Variants in DNAJC6 observed in about 807,000 individuals in gnomAD.
The protein encoded by DNAJC6 is DnaJ heat shock protein family (Hsp40) member C6.
Under a neutral mutation model 110.0 loss-of-function variants are expected in DNAJC6, and 34 were observed. The ratio of observed to expected loss-of-function variants is 0.31; its 90% CI spans 0.24 to 0.41. DNAJC6 has a LOEUF of 0.41. Ranked by LOEUF, DNAJC6 falls within the 10% of genes least tolerant of loss-of-function variation. The pLI, the probability that DNAJC6 is intolerant of heterozygous loss-of-function variation, is 1.00. For missense variants in DNAJC6, 1,031 were observed against 1,207.8 expected, an observed-to-expected ratio of 0.85 and a Z score of 2.17; for synonymous variants, 406 against 437.2, an observed-to-expected ratio of 0.93 and a Z score of 0.89.
At position 65,394,962 on chromosome 1, in the gene DNAJC6, T is replaced by C; in HGVS notation, c.1968T>C (p.Phe656=). ...CAGGTCAGGATTTGCTGGGTTCTTT[T>C]CTGAACACATCCAGTGCTTCCAGTG... is the stretch of plus-strand genomic sequence containing the variant. The part of the protein sequence containing the change: ...KPSGQDLLGS[F]LNTSSASSDP... The change falls in exon 13 of 19, where the codon TTT becomes TTC. Residue 656 remains phenylalanine, a synonymous_variant. Transcript: ENST00000371069. 2 of 1,612,918 alleles carry C rather than the reference T, an allele frequency of 1.2e-6. No homozygotes were observed. The highest frequency in any genetic ancestry group is 1.7e-6 in the Non-Finnish European group (2 of 1,179,614).
At position 65,385,861 on chromosome 1, in the gene DNAJC6, G is replaced by C; in HGVS notation, c.950G>C (p.Gly317Ala). The stretch of plus-strand genomic sequence containing the variant: ...CGCCCTTACTGTGATGTACTCATTG[G>C]AGAAACCAAAATATATTCGACTTGC... ...GCRPYCDVLIGETKIYSTCTD... is the reference protein window; with the variant it reads ...GCRPYCDVLIAETKIYSTCTD... The change falls in exon 7 of 19, where the codon GGA becomes GCA. Residue 317 changes from glycine (G) to alanine (A), a missense_variant. Gly to Ala is a moderately conservative substitution (Grantham distance 60). Transcript: ENST00000371069. 6.2e-7 allele frequency: 1 copy of C among 1,612,804 alleles called. No homozygotes were observed. The highest frequency in any genetic ancestry group is 8.5e-7 in the Non-Finnish European group (1 of 1,179,048).
chr1:65,411,380 T>C lies in DNAJC6; in HGVS notation c.2765T>C (p.Val922Ala). The C allele has an allele frequency of 6.2e-7, 1 of 1,614,034 alleles. No individual in the cohort carries two copies. Among genetic ancestry groups the C allele is most frequent in the South Asian group, 1.1e-5 (1 of 91,074 alleles). Residue 922 changes from valine to alanine, a missense_variant, in exon 18 of 19, where the codon GTG becomes GCG. Val to Ala is a moderately conservative substitution (Grantham distance 64, BLOSUM62 0). Coordinates refer to ENST00000371069, the MANE Select transcript of DNAJC6 (RefSeq NM_001256864.2). ...GCAGACCTGGTAACACCAGAGCAGGTGAAGAAGGTGTACAGGAAGGCTGTC... is the reference window on the plus strand; with the variant it reads ...GCAGACCTGGTAACACCAGAGCAGGCGAAGAAGGTGTACAGGAAGGCTGTC... Reference protein sequence around the residue: ...GMADLVTPEQVKKVYRKAVLV... With the variant: ...GMADLVTPEQAKKVYRKAVLV...
chr1:65,279,276 A>G (rs1330443196), intron 1 of DNAJC6, among the ~76,000 whole-genome samples: 1 of 152,106 alleles, frequency 6.6e-6, no homozygotes, highest in Non-Finnish European at 1.5e-5. Context: ...ATAAATGGGA[A>G]AATCTGGGAA....
At position 65,309,956 on chromosome 1, in the gene DNAJC6, G is replaced by A. The variant is rs1373877152; in HGVS notation, c.193+18G>A. 1 of 1,430,416 alleles carries A rather than the reference G, an allele frequency of 7.0e-7. No homozygotes were observed. The highest frequency in any genetic ancestry group is 2.9e-5 in the Admixed American group (1 of 34,716). The allele number at this position is 1,430,416 out of a possible 1,614,324, so 88.6% of individuals were successfully genotyped here. ...CAGCTCAGGTAGCGCTGCCCGAGGG[G>A]AGTGCAGCGCTGAGCCCCGCGCGGC... On this transcript the variant is annotated intron_variant, in intron 1 of 18. Transcript: ENST00000371069.
At chr1:65,288,570 A>T (rs1385420769) in intron 1 of DNAJC6, among the ~76,000 whole-genome samples, 2 of 152,216 alleles carry the variant, frequency 1.3e-5, no homozygotes, top group African/African-American at 4.8e-5. Context: ...TTAAGTACAC[A>T]GAAAAGTGTA....
Position 65,366,207 on chromosome 1 carries a change from T to G in DNAJC6, c.543+11T>G. ...AAGTTTCACAGCCGGGTAAGGATTT[T>G]TAGCCCTGAGATCATACTGTTGAAG... On this transcript the variant is annotated intron_variant, in intron 4 of 18. Transcript: ENST00000371069. 2 of 1,613,348 alleles carry G rather than the reference T, an allele frequency of 1.2e-6. No homozygotes were observed. Among genetic ancestry groups the G allele is most frequent in the South Asian group, 2.2e-5 (2 of 90,982 alleles).
chr1:65,292,320 G>GTTTTTTTTTTTTTTTTTT (rs11431945), intron 1 of DNAJC6, among the ~76,000 whole-genome samples: 1 of 135,798 alleles, frequency 7.4e-6, no homozygotes, highest in African/African-American at 2.8e-5. Flanking sequence ...ACCCGGCCTG[G>GTTTTTTTTTTTTTTTTTT]TTTTTTTTTT....
At chr1:65,311,227 T>TG (rs1358854143) in intron 1 of DNAJC6, among the ~76,000 whole-genome samples, 4 of 135,838 alleles carry the variant, frequency 2.9e-5, no homozygotes, top group African/African-American at 1.1e-4. Context: ...TTTTTTTTTT[T>TG]TTTTTTTTTT....
intron 1 of DNAJC6, among the ~76,000 whole-genome samples, chr1:65,290,434 C>T (rs996073300): frequency 1.3e-5 from 2 of 152,128 alleles, no homozygotes; most frequent in African/African-American, 4.8e-5. Flanking sequence ...GCGTCAATAT[C>T]GTGATATTAC....
At chr1:65,317,653 T>C (rs908982709) in intron 1 of DNAJC6, among the ~76,000 whole-genome samples, 14 of 152,216 alleles carry the variant, frequency 9.2e-5, no homozygotes, top group Non-Finnish European at 1.8e-4. Context: ...GTTGTTGTAT[T>C]GTGGTGTAGT....
At chr1:65,297,059 T>C (rs10889536) in intron 1 of DNAJC6, among the ~76,000 whole-genome samples, 97,463 of 152,052 alleles carry the variant, frequency 0.64, 31,455 homozygotes, top group East Asian at 0.79. Flanking sequence ...GACTGTTCTA[T>C]GGGACCTCAT....
chr1:65,356,834 G>T (rs1334881), intron 1 of DNAJC6, among the ~76,000 whole-genome samples: 1 of 151,882 alleles, frequency 6.6e-6, no homozygotes, highest in African/African-American at 2.4e-5. Context: ...GAAAAACCAA[G>T]TTTCAAGTCT....
At chr1:65,275,951 C>T (rs1653655964) in intron 1 of DNAJC6, among the ~76,000 whole-genome samples, 3 of 148,058 alleles carry the variant, frequency 2.0e-5, no homozygotes, top group South Asian at 4.2e-4. Flanking sequence ...GGCTGCAGTG[C>T]GATCCTGGCT....
intron 1 of DNAJC6, among the ~76,000 whole-genome samples, chr1:65,297,621 G>A (rs976269991): frequency 2.6e-5 from 4 of 152,180 alleles, no homozygotes; most frequent in East Asian, 1.9e-4. Context: ...ATTGTTGGGC[G>A]CAGGCTGAAC....
At chr1:65,339,327 C>A (rs192669683) in intron 1 of DNAJC6, among the ~76,000 whole-genome samples, 158 of 152,272 alleles carry the variant, frequency 1.0e-3, no homozygotes, top group Non-Finnish European at 2.0e-3. Context: ...GCCAAGGCCA[C>A]ACAGCTCCAA....
chr1:65,350,198 G>A (rs569581928), intron 1 of DNAJC6, among the ~76,000 whole-genome samples: 16 of 152,198 alleles, frequency 1.1e-4, no homozygotes, highest in African/African-American at 3.4e-4. Context: ...TTGTCTCACA[G>A]GTCACTGAGA....
intron 1 of DNAJC6, among the ~76,000 whole-genome samples, chr1:65,318,706 T>G (rs1320490251): frequency 6.6e-6 from 1 of 151,920 alleles, no homozygotes. Flanking sequence ...TGTCAGGGCA[T>G]GGGTGGGGCG....
chr1:65,355,110 C>A (rs746102254), intron 1 of DNAJC6, among the ~76,000 whole-genome samples: 1 of 151,726 alleles, frequency 6.6e-6, no homozygotes, highest in Non-Finnish European at 1.5e-5. Context: ...GCAGAAAATA[C>A]AAAAATTAGC....
Position 65,392,739 on chromosome 1 carries a change from C to G in DNAJC6, c.1777C>G (p.Pro593Ala). ...DLFGGGGAAG[P>A]TQAGQSGVED... The stretch of plus-strand genomic sequence containing the variant: ...GTTTGGGGGTGGAGGTGCAGCTGGT[C>G]CCACCCAGGCTGGACAGTCAGGAGT... Residue 593 changes from proline to alanine, a missense_variant, in exon 12 of 19, where the codon CCC becomes GCC. Physicochemically the swap from Pro to Ala is conservative, Grantham distance 27. Transcript: ENST00000371069. 6.2e-7 allele frequency: 1 copy of G among 1,612,878 alleles called. No homozygotes were observed. The highest frequency in any genetic ancestry group is 8.5e-7 in the Non-Finnish European group (1 of 1,179,480).
Sources: gnomAD v4.1 joint callset for allele counts (sites outside exome capture counted in the v4.1 genomes callset) on GRCh38, gnomAD v4.1.1 for gene constraint, MANE v1.5 for transcripts, NCBI Gene and HGNC (gene_info 2026-07-23, HGNC 2026-07-21) for gene names.